The following CACNA2D3 variants were observed in gnomAD, a reference collection of about 807,000 sequenced individuals.
The protein encoded by CACNA2D3 is voltage-dependent calcium channel subunit alpha-2/delta-3.
CACNA2D3 carries 60 observed loss-of-function variants against 160.6 expected under a neutral mutation model. That is an observed-to-expected ratio of 0.37 (90% CI 0.30 to 0.46). The LOEUF (loss-of-function observed/expected upper bound fraction) is 0.46, where lower values mean the gene tolerates loss of function less well. CACNA2D3 is among the 20% of genes least tolerant of loss of function. The pLI is 1.00. For synonymous variants in CACNA2D3, 558 were observed against 492.9 expected, an observed-to-expected ratio of 1.13 and a Z score of -1.75; for missense variants, 1,205 against 1,365.0, an observed-to-expected ratio of 0.88 and a Z score of 1.85.
At chr3:54,218,642 AC>A (rs1701508190) in intron 2 of CACNA2D3, among the ~76,000 whole-genome samples, 1 of 152,190 alleles carries the variant, frequency 6.6e-6, no homozygotes, top group Non-Finnish European at 1.5e-5. Context: ...AATATCACAA[AC>A]CTAGTGGCTT....
intron 11 of CACNA2D3, among the ~76,000 whole-genome samples, chr3:54,730,255 T>C (rs1195187216): frequency 6.6e-6 from 1 of 152,106 alleles, no homozygotes; most frequent in Non-Finnish European, 1.5e-5. Context: ...CTACTGAAAT[T>C]GCCCAGAGAA....
chr3:54,410,377 G>A (rs372670733), intron 4 of CACNA2D3, among the ~76,000 whole-genome samples: 22 of 152,070 alleles, frequency 1.4e-4, no homozygotes, highest in African/African-American at 4.6e-4. Context: ...AAAAAAGAGA[G>A]AGGAGAATTC....
At position 54,722,443 on chromosome 3, in the gene CACNA2D3, G is replaced by C. The variant is rs527534822; in HGVS notation, c.1168-30156G>C. Among the ~76,000 whole-genome samples the C allele has an allele frequency of 1.7e-3, 252 of 152,290 alleles. 2 individuals are homozygous for C. The highest frequency in any genetic ancestry group is 6.8e-3 in the Middle Eastern group (2 of 294). ...TCAAACCTATTCTCTGTCCAGTTTT[G>C]TTCCCTTGCTGGTTAGGAGTTGTGA... On this transcript the variant is annotated intron_variant, in intron 11 of 37. Transcript: ENST00000474759.
At chr3:54,325,183 A>G (rs1335799828) in intron 3 of CACNA2D3, among the ~76,000 whole-genome samples, 1 of 152,182 alleles carries the variant, frequency 6.6e-6, no homozygotes, top group Non-Finnish European at 1.5e-5. Context: ...CCAAATGTGC[A>G]GTGGGAAGAG....
intron 4 of CACNA2D3, among the ~76,000 whole-genome samples, chr3:54,482,940 A>G (rs1438409188): frequency 6.6e-6 from 1 of 152,136 alleles, no homozygotes; most frequent in Non-Finnish European, 1.5e-5. Context: ...CATGCCCAAC[A>G]CCAATTACAA....
At chr3:54,503,423 C>T in intron 4 of CACNA2D3, 69 bp from the exon 5 acceptor site, 1 of 1,421,492 alleles carries the variant, frequency 7.0e-7, no homozygotes, top group Non-Finnish European at 9.9e-7. Context: ...TGGCCTGTGC[C>T]CAGGTCTAAG....
chr3:54,830,531 C>T (rs1041645560), intron 14 of CACNA2D3, among the ~76,000 whole-genome samples: 8 of 151,384 alleles, frequency 5.3e-5, no homozygotes, highest in South Asian at 4.2e-4. Context: ...TTGCTGCAAC[C>T]GTCACCTCCT....
intron 5 of CACNA2D3, among the ~76,000 whole-genome samples, chr3:54,508,143 T>A (rs1701402077): frequency 6.6e-6 from 1 of 152,042 alleles, no homozygotes; most frequent in African/African-American, 2.4e-5. Flanking sequence ...GCAGCAGCAG[T>A]GGGAACAACT....
At chr3:54,928,189 G>C in intron 27 of CACNA2D3, 1 of 485,524 alleles carries the variant, frequency 2.1e-6, no homozygotes, top group Non-Finnish European at 3.6e-6. Context: ...GCCTCCCCAG[G>C]ATCATCCCTG....
chr3:54,691,583 A>C (rs1700571555), intron 11 of CACNA2D3, among the ~76,000 whole-genome samples: 1 of 152,240 alleles, frequency 6.6e-6, no homozygotes. Context: ...GTATATTGCC[A>C]GCAGACAGCT....
chr3:55,023,375 T>C (rs1179806825), intron 35 of CACNA2D3, among the ~76,000 whole-genome samples: 1 of 152,208 alleles, frequency 6.6e-6, no homozygotes, highest in Admixed American at 6.5e-5. Flanking sequence ...TGATCCTGTC[T>C]GGTCTGCTGC....
At chr3:54,597,849 A>G (rs1200107812) in intron 9 of CACNA2D3, among the ~76,000 whole-genome samples, 3 of 152,134 alleles carry the variant, frequency 2.0e-5, no homozygotes, top group Non-Finnish European at 4.4e-5. Flanking sequence ...TGGTGGGAGA[A>G]GGTAATTTTA....
chr3:54,289,596 C>A (rs997927317), intron 2 of CACNA2D3, among the ~76,000 whole-genome samples: 5 of 152,184 alleles, frequency 3.3e-5, no homozygotes, highest in African/African-American at 9.7e-5. Context: ...GCCCGCATCA[C>A]CAAGTCAATC....
intron 35 of CACNA2D3, among the ~76,000 whole-genome samples, chr3:55,024,535 G>A (rs959998083): frequency 4.6e-5 from 7 of 152,058 alleles, no homozygotes; most frequent in Non-Finnish European, 1.0e-4. Context: ...GAGGGAATCT[G>A]TTTGACCTTC....
chr3:54,333,787 C>T (rs373353805), intron 3 of CACNA2D3, among the ~76,000 whole-genome samples: 2 of 152,232 alleles, frequency 1.3e-5, no homozygotes, highest in African/African-American at 4.8e-5. Context: ...GGGAATCTCC[C>T]CCAACATTTG....
chr3:54,292,938 A>G (rs79511166), intron 2 of CACNA2D3, among the ~76,000 whole-genome samples: 2,063 of 152,304 alleles, frequency 0.014, 45 homozygotes, highest in African/African-American at 0.048. Flanking sequence ...ATGTGCATCA[A>G]CAGATGAGTG....
intron 13 of CACNA2D3, among the ~76,000 whole-genome samples, chr3:54,775,409 G>A (rs558511637): frequency 6.6e-6 from 1 of 152,296 alleles, no homozygotes; most frequent in East Asian, 1.9e-4. Flanking sequence ...GGTAGGTATT[G>A]GGAAATGGAG....
chr3:54,802,109 A>G (rs1188611364), intron 13 of CACNA2D3, among the ~76,000 whole-genome samples: 1 of 151,910 alleles, frequency 6.6e-6, no homozygotes, highest in East Asian at 1.9e-4. Flanking sequence ...CTGTGTTCCT[A>G]CTCTTTCCTC....
At chr3:54,215,104 G>A (rs1577003637) in intron 2 of CACNA2D3, among the ~76,000 whole-genome samples, 1 of 152,186 alleles carries the variant, frequency 6.6e-6, no homozygotes, top group Non-Finnish European at 1.5e-5. Flanking sequence ...CCTCAGGAGA[G>A]TAGCCATGGG....
Sources: allele counts gnomAD v4.1 joint callset (sites outside exome capture counted in the v4.1 genomes callset), GRCh38; gene constraint gnomAD v4.1.1; transcripts MANE v1.5; gene names NCBI Gene and HGNC (gene_info 2026-07-23, HGNC 2026-07-21).